Variants in TSPYL1 observed in about 807,000 individuals in gnomAD.
The protein encoded by TSPYL1 is testis-specific Y-encoded-like protein 1.
In TSPYL1, 16 loss-of-function variants were observed where a neutral mutation model predicts 20.1. The ratio of observed to expected loss-of-function variants is 0.80; its 90% CI spans 0.54 to 1.21. The LOEUF is 1.21. TSPYL1 is among the 50% of genes most tolerant of loss of function. The probability of loss-of-function intolerance (pLI) is 0.00; values close to 1 mark genes in which losing one functional copy is unlikely to be tolerated. For missense variants in TSPYL1, 560 were observed against 569.3 expected (o/e 0.98, Z 0.17); for synonymous variants, 259 against 227.1 (o/e 1.14, Z -1.26).
In TSPYL1 at chr6:116,278,469, C is replaced by G; in HGVS notation, c.*48G>C. 3 of 1,612,422 alleles carry G rather than the reference C, an allele frequency of 1.9e-6. No individual in the cohort carries two copies. The highest frequency in any genetic ancestry group is 2.5e-6 in the Non-Finnish European group (3 of 1,179,720). On this transcript the variant is annotated 3_prime_UTR_variant, in exon 1 of 1. Transcript: ENST00000368608. Reference sequence around the variant, plus strand: ...TGCTGATGCCCAAGCACAGGTCCAGCAGAAGGTGGTAGGAGACCTTGTGCA... The same window carrying G: ...TGCTGATGCCCAAGCACAGGTCCAGGAGAAGGTGGTAGGAGACCTTGTGCA...
At position 116,278,990 on chromosome 6, in the gene TSPYL1, T is replaced by C; in HGVS notation, c.841A>G (p.Thr281Ala). The C allele has an allele frequency of 6.2e-7, 1 of 1,614,016 alleles. No individual in the cohort carries two copies. The highest frequency in any genetic ancestry group is 8.5e-7 in the Non-Finnish European group (1 of 1,180,000). The change falls in exon 1 of 1, where the codon ACT becomes GCT. Residue 281 changes from threonine to alanine, a missense_variant. By Grantham distance (58) the Thr-to-Ala change is moderately conservative. Transcript: ENST00000368608. ...IIQNIPGFWM[T>A]AFRNHPQLSA... ...AACTGGGGGTGGTTTCGAAAAGCAG[T>C]CATCCAGAAGCCCGGGATATTCTGA...
At position 116,277,519 on chromosome 6, in the gene TSPYL1, T is replaced by A. The variant is rs1773203438; in HGVS notation, c.*998A>T. Reference sequence around the variant, plus strand: ...ATAAAAGGGCTAGGAAGTAGGAAGTTGGGAAGAAGGGGAGGGGCGTAAGAG... The same window carrying A: ...ATAAAAGGGCTAGGAAGTAGGAAGTAGGGAAGAAGGGGAGGGGCGTAAGAG... On this transcript the variant is annotated 3_prime_UTR_variant, in exon 1 of 1. Transcript: ENST00000368608. 6.6e-6 allele frequency: 1 copy of A among 152,208 alleles called. No homozygotes were observed. The highest frequency in any genetic ancestry group is 6.5e-5 in the Admixed American group (1 of 15,272). The allele number at this position is 152,208 out of a possible 1,614,324, so 9.4% of individuals were successfully genotyped here. A position where few individuals can be genotyped will look rare whatever the true frequency, so the allele number is the denominator to read the frequency against.
rs1773126711 is a variant in TSPYL1 at position 116,276,031 on chromosome 6, T to C, written c.*2486A>G. ...GGACTTTATCTTCTTACTCTTTTTC[T>C]CTATTTGTGGAATTCACTGTAATGA... is the stretch of plus-strand genomic sequence containing the variant. On this transcript the variant is annotated 3_prime_UTR_variant, in exon 1 of 1. Transcript: ENST00000368608. Among the ~76,000 whole-genome samples, 1 of 152,210 alleles carries C rather than the reference T, an allele frequency of 6.6e-6. No individual in the cohort carries two copies.
rs1410328387 is a variant in TSPYL1 at position 116,276,060 on chromosome 6, ATTATG to A, written c.*2452_*2456del. Among the ~76,000 whole-genome samples the A allele has an allele frequency of 6.6e-6, 1 of 152,182 alleles. No individual in the cohort carries two copies. Among genetic ancestry groups the A allele is most frequent in the South Asian group, 2.1e-4 (1 of 4,832 alleles). On this transcript the variant is annotated 3_prime_UTR_variant, in exon 1 of 1. Coordinates refer to ENST00000368608, the MANE Select transcript of TSPYL1 (RefSeq NM_003309.4). ...TTTGTGGAATTCACTGTAATGAATA[ATTATG>A]TTAATTTTCTAGAACAGAGGTCCCT...
In TSPYL1 at chr6:116,275,032, T is replaced by G. The variant is rs1773062133; in HGVS notation, c.*3485A>C. On this transcript the variant is annotated 3_prime_UTR_variant, in exon 1 of 1. Coordinates refer to ENST00000368608, the MANE Select transcript of TSPYL1 (RefSeq NM_003309.4). ...ATTTTAACACAATGTCAAAAATATT[T>G]CAACATGCAATCAATATGAAAAAAA... Among the ~76,000 whole-genome samples the G allele has an allele frequency of 6.6e-6, 1 of 152,240 alleles. No individual in the cohort carries two copies.
In TSPYL1 at chr6:116,275,798, CAAA is replaced by C. The variant is rs386408358; in HGVS notation, c.*2716_*2718del. ...CCTGGGCAAGAGTGGGACTCTATCT[CAAA>C]AAAAAAAAAAAAAAATGCTAGATGC... On this transcript the variant is annotated 3_prime_UTR_variant, in exon 1 of 1. Coordinates refer to ENST00000368608, the MANE Select transcript of TSPYL1 (RefSeq NM_003309.4). Among the ~76,000 whole-genome samples, 3 of 105,508 alleles carry C rather than the reference CAAA, an allele frequency of 2.8e-5. No individual in the cohort carries two copies. Among genetic ancestry groups the C allele is most frequent in the Non-Finnish European group, 6.3e-5 (3 of 47,846 alleles). The allele number at this position is 105,508 out of a possible 152,430, so 69.2% of individuals were successfully genotyped here. A position where few individuals can be genotyped will look rare whatever the true frequency, so the allele number is the denominator to read the frequency against.
At position 116,279,744 on chromosome 6, in the gene TSPYL1, G is replaced by C; in HGVS notation, c.87C>G (p.Asp29Glu). ...CGCGGAGCCTCAGGTACTGGTGTGC[G>C]TCCTGGTCGCTCGGGACTTGGTCAG... ...IISDQVPSDQ[D>E]AHQYLRLRDQ... Residue 29 changes from aspartate to glutamate, a missense_variant, in exon 1 of 1, where the codon GAC becomes GAG. Coordinates refer to ENST00000368608, the MANE Select transcript of TSPYL1 (RefSeq NM_003309.4). The C allele has an allele frequency of 2.5e-6, 4 of 1,612,022 alleles. No homozygotes were observed. The highest frequency in any genetic ancestry group is 3.4e-6 in the Non-Finnish European group (4 of 1,180,034).
rs193166930 is a variant in TSPYL1, at chr6:116,278,495, G to A, written c.*22C>T. ...AGAAGGTGGTAGGAGACCTTGTGCA[G>A]GAGTATTCCCAAGGGCAAATGTTAA... On this transcript the variant is annotated 3_prime_UTR_variant, in exon 1 of 1. Transcript: ENST00000368608. 3 of 1,613,528 alleles carry A rather than the reference G, an allele frequency of 1.9e-6. No individual in the cohort carries two copies. The highest frequency in any genetic ancestry group is 1.8e-4 in the Middle Eastern group (1 of 5,548).
In TSPYL1 at chr6:116,278,914, T is replaced by G; in HGVS notation, c.917A>C (p.Asn306Thr). ...QDAEMLRYIT[N>T]LEVKELRHPR... ...GTGTCTGAGTTCCTTCACCTCTAAA[T>G]TGGTTATGTACCTTAACATCTCTGC... The change falls in exon 1 of 1, where the codon AAT (asparagine) becomes ACT (threonine). Residue 306 changes from asparagine (N) to threonine (T), a missense_variant. Asn to Thr is a moderately conservative substitution (Grantham distance 65). Coordinates refer to ENST00000368608, the MANE Select transcript of TSPYL1 (RefSeq NM_003309.4). 1 of 1,614,128 alleles carries G rather than the reference T, an allele frequency of 6.2e-7. No individual in the cohort carries two copies. The highest frequency in any genetic ancestry group is 8.5e-7 in the Non-Finnish European group (1 of 1,180,018).
In TSPYL1 at chr6:116,279,876, A is replaced by G; in HGVS notation, c.-46T>C. 1 of 1,612,934 alleles carries G rather than the reference A, an allele frequency of 6.2e-7. No homozygotes were observed. Among genetic ancestry groups the G allele is most frequent in the Non-Finnish European group, 8.5e-7 (1 of 1,179,948 alleles). ...CCGCAGGCGAACGCCCGTTTTCCTC[A>G]GAGGCCGAACTGGGAGCTAACCGCC... On this transcript the variant is annotated 5_prime_UTR_variant, in exon 1 of 1. Transcript: ENST00000368608.
chr6:116,278,244 A>G lies in TSPYL1; in HGVS notation c.*273T>C, dbSNP rs1773259576. On this transcript the variant is annotated 3_prime_UTR_variant, in exon 1 of 1. Transcript: ENST00000368608. ...TGCAGATAAAGGCAGTACAATCTAC[A>G]GTATCATTTGCTTGGCTTACAAGTA... The G allele has an allele frequency of 2.2e-6, 1 of 447,858 alleles. No homozygotes were observed. The highest frequency in any genetic ancestry group is 4.1e-6 in the Non-Finnish European group (1 of 241,086). The allele number at this position is 447,858 out of a possible 1,614,324, so 27.7% of individuals were successfully genotyped here. A position where few individuals can be genotyped will look rare whatever the true frequency, so the allele number is the denominator to read the frequency against.
In TSPYL1 at chr6:116,279,269, C is replaced by G. The variant is rs1249417824; in HGVS notation, c.562G>C (p.Glu188Gln). The G allele has an allele frequency of 1.1e-5, 17 of 1,601,694 alleles. No individual in the cohort carries two copies. Among genetic ancestry groups the G allele is most frequent in the Admixed American group, 1.7e-5 (1 of 59,088 alleles). Reference sequence around the variant, plus strand: ...GGCTGCTCCTCTACCTCCATCTGCTCCTCCATTACCTCCTTCTCCGCCAGG... The same window carrying G: ...GGCTGCTCCTCTACCTCCATCTGCTGCTCCATTACCTCCTTCTCCGCCAGG... ...EGLAEKEVME[E>Q]QMEVEEQPPE... The change falls in exon 1 of 1, where the codon GAG becomes CAG. Residue 188 changes from glutamate to glutamine, a missense_variant. Physicochemically the swap from Glu to Gln is conservative, Grantham distance 29 (BLOSUM62 2). Coordinates refer to ENST00000368608, the MANE Select transcript of TSPYL1 (RefSeq NM_003309.4).
rs1773127127 is a variant in TSPYL1 at position 116,276,055 on chromosome 6, G to T, written c.*2462C>A. ...CTCTATTTGTGGAATTCACTGTAAT[G>T]AATAATTATGTTAATTTTCTAGAAC... On this transcript the variant is annotated 3_prime_UTR_variant, in exon 1 of 1. Coordinates refer to ENST00000368608, the MANE Select transcript of TSPYL1 (RefSeq NM_003309.4). 1.3e-5 allele frequency among the ~76,000 whole-genome samples: 2 copies of T among 152,108 alleles called. No individual in the cohort carries two copies.
Position 116,278,501 on chromosome 6 carries a change from T to C in TSPYL1, c.*16A>G. On this transcript the variant is annotated 3_prime_UTR_variant, in exon 1 of 1. Transcript: ENST00000368608. ...TGGTAGGAGACCTTGTGCAGGAGTA[T>C]TCCCAAGGGCAAATGTTAACCAGAC... The C allele has an allele frequency of 6.2e-7, 1 of 1,613,670 alleles. No homozygotes were observed. The highest frequency in any genetic ancestry group is 8.5e-7 in the Non-Finnish European group (1 of 1,180,016).
In TSPYL1 at chr6:116,278,398, T is replaced by A. The variant is rs1316477798; in HGVS notation, c.*119A>T. 1 of 1,312,782 alleles carries A rather than the reference T, an allele frequency of 7.6e-7. No homozygotes were observed. Among genetic ancestry groups the A allele is most frequent in the Non-Finnish European group, 1.1e-6 (1 of 921,516 alleles). 81.3% of individuals were successfully genotyped at this position (1,312,782 alleles called of 1,614,324 possible). A position where few individuals can be genotyped will look rare whatever the true frequency, so the allele number is the denominator to read the frequency against. On this transcript the variant is annotated 3_prime_UTR_variant, in exon 1 of 1. Transcript: ENST00000368608. ...AACTGAATATCCAAAGGAAACAGGG[T>A]GCAGAAAAGTCAGCAAAAACAAAGC...
In TSPYL1 at chr6:116,278,751, C is replaced by T. The variant is rs1562197554; in HGVS notation, c.1080G>A (p.Gly360=). 1.2e-6 allele frequency: 2 copies of T among 1,614,098 alleles called. No homozygotes were observed. The highest frequency in any genetic ancestry group is 2.7e-5 in the African/African-American group (2 of 74,994). ...SLSTPIIWRR[G]HEPQSFIRRN... ...TGCGAATGAAGGACTGGGGTTCATGCCCCCTGCGCCATATAATTGGAGTAG... is the reference window on the plus strand; with the variant it reads ...TGCGAATGAAGGACTGGGGTTCATGTCCCCTGCGCCATATAATTGGAGTAG... Residue 360 remains glycine, a synonymous_variant, in exon 1 of 1, where the codon GGG becomes GGA. Transcript: ENST00000368608.
At position 116,278,569 on chromosome 6, in the gene TSPYL1, G is replaced by A. The variant is rs1208055254; in HGVS notation, c.1262C>T (p.Pro421Leu). The A allele has an allele frequency of 2.5e-6, 4 of 1,614,158 alleles. No individual in the cohort carries two copies. In the South Asian group the frequency reaches 3.3e-5, roughly 13 times the overall value. Residue 421 changes from proline to leucine, a missense_variant, in exon 1 of 1, where the codon CCG becomes CTG. Transcript: ENST00000368608. ...REGVRRARRR[P>L]LREPVEIPRP... ...GGGGATCTCTACAGGCTCCCTTAGCGGGCGACGTCGGGCTCTACGGACTCC... is the reference window on the plus strand; with the variant it reads ...GGGGATCTCTACAGGCTCCCTTAGCAGGCGACGTCGGGCTCTACGGACTCC...
Position 116,279,836 on chromosome 6 carries a change from T to C in TSPYL1, c.-6A>G, listed in dbSNP as rs747319952. ...ACCCCATCCAGGCCGCTCATGTTGC[T>C]AACAGTCGGACCAACCGCAGGCGAA... On this transcript the variant is annotated 5_prime_UTR_variant, in exon 1 of 1. Transcript: ENST00000368608. 9 of 1,612,970 alleles carry C rather than the reference T, an allele frequency of 5.6e-6. No homozygotes were observed. In the African/African-American group the frequency reaches 1.1e-4, roughly 19 times the overall value.
chr6:116,275,349 C>T lies in TSPYL1; in HGVS notation c.*3168G>A, dbSNP rs2114623116. 6.6e-6 allele frequency among the ~76,000 whole-genome samples: 1 copy of T among 152,326 alleles called. No homozygotes were observed. Among genetic ancestry groups the T allele is most frequent in the East Asian group, 1.9e-4 (1 of 5,192 alleles). On this transcript the variant is annotated 3_prime_UTR_variant, in exon 1 of 1. Transcript: ENST00000368608. The stretch of plus-strand genomic sequence containing the variant: ...AAAGTGTTTAGACGTTTTCTAATGA[C>T]TAAAAGGGGAAATAGTTATTTAGGA...
Sources: gnomAD v4.1 joint callset for allele counts (sites outside exome capture counted in the v4.1 genomes callset) on GRCh38, gnomAD v4.1.1 for gene constraint, MANE v1.5 for transcripts, NCBI Gene and HGNC (gene_info 2026-07-23, HGNC 2026-07-21) for gene names.